PTPRN2: variants seen among roughly 807,000 people sequenced by gnomAD.
PTPRN2 encodes the protein protein tyrosine phosphatase receptor type N2.
PTPRN2 carries 74 observed loss-of-function variants against 118.8 expected under a neutral mutation model. The observed-to-expected ratio is 0.62, with a 90% CI of 0.52 to 0.76. PTPRN2 has a LOEUF of 0.76. PTPRN2 is among the 30% of genes least tolerant of loss of function. The probability of loss-of-function intolerance (pLI) is 0.00; values close to 1 mark genes in which losing one functional copy is unlikely to be tolerated. For missense variants in PTPRN2, 1,481 were observed against 1,394.4 expected (o/e 1.06, Z -0.99); for synonymous variants, 641 against 608.0 (o/e 1.05, Z -0.80).
intron 1 of PTPRN2, among the ~76,000 whole-genome samples, chr7:158,573,515 C>T (rs1200935066): frequency 1.3e-5 from 2 of 152,142 alleles, no homozygotes; most frequent in Non-Finnish European, 2.9e-5. Flanking sequence ...GTGCTCACCA[C>T]AGCTTCATGT....
intron 3 of PTPRN2, among the ~76,000 whole-genome samples, chr7:158,283,833 G>A (rs1180879229): frequency 6.6e-6 from 1 of 152,072 alleles, no homozygotes; most frequent in Admixed American, 6.5e-5. Flanking sequence ...GTGACAGCAT[G>A]TCTCAGAACA....
intron 2 of PTPRN2, among the ~76,000 whole-genome samples, chr7:158,447,227 G>A (rs373066388): frequency 2.6e-5 from 4 of 152,100 alleles, no homozygotes; most frequent in South Asian, 4.1e-4. Flanking sequence ...GACAACACTC[G>A]GTGCCTCCCT....
chr7:158,127,771 T>A (rs909990754), intron 9 of PTPRN2, among the ~76,000 whole-genome samples: 2 of 152,180 alleles, frequency 1.3e-5, no homozygotes, highest in South Asian at 4.1e-4. Context: ...TCCTCTTTGC[T>A]GAGAGGTAAG....
At chr7:157,948,485 T>C (rs1435554460) in intron 11 of PTPRN2, among the ~76,000 whole-genome samples, 2 of 151,908 alleles carry the variant, frequency 1.3e-5, no homozygotes, top group Non-Finnish European at 2.9e-5. Flanking sequence ...ATCAAAACAG[T>C]ACACTAAAAA....
chr7:158,171,635 G>A (rs1823711551), intron 5 of PTPRN2, among the ~76,000 whole-genome samples: 1 of 152,036 alleles, frequency 6.6e-6, no homozygotes, highest in African/African-American at 2.4e-5. Context: ...ACAAGCGTGA[G>A]CCACCATGCC....
intron 2 of PTPRN2, among the ~76,000 whole-genome samples, chr7:158,395,788 G>A (rs1175381031): frequency 1.5e-5 from 2 of 130,808 alleles, no homozygotes; most frequent in African/African-American, 5.7e-5. Flanking sequence ...CGCGAGGGGC[G>A]AGGGGTGAGG....
chr7:157,865,870 T>C (rs1053711341), intron 12 of PTPRN2: 2 of 152,000 alleles, frequency 1.3e-5, no homozygotes, highest in Admixed American at 6.6e-5. Flanking sequence ...GAGGGCAGGG[T>C]GGACGGTTAA....
intron 13 of PTPRN2, among the ~76,000 whole-genome samples, chr7:157,661,194 G>C (rs1795867379): frequency 6.6e-6 from 1 of 152,282 alleles, no homozygotes; most frequent in Admixed American, 6.5e-5. Flanking sequence ...GCTCTCACCA[G>C]TGGTCTCGCG....
At chr7:158,340,739 A>G (rs1806577116) in intron 2 of PTPRN2, among the ~76,000 whole-genome samples, 1 of 82,286 alleles carries the variant, frequency 1.2e-5, no homozygotes. Context: ...ATAAGAGGTG[A>G]CACATGCAGA....
At chr7:158,028,661 A>G (rs986736397) in intron 11 of PTPRN2, 3 of 152,344 alleles carry the variant, frequency 2.0e-5, no homozygotes, top group African/African-American at 7.2e-5. Flanking sequence ...TTTAACTGTC[A>G]GAAGGAAAAC....
chr7:158,230,622 GT>G (rs1201646863), intron 3 of PTPRN2, among the ~76,000 whole-genome samples: 2 of 151,312 alleles, frequency 1.3e-5, no homozygotes, highest in Admixed American at 6.6e-5. Flanking sequence ...TGTTTAAGTT[GT>G]TTTTTATAAG....
rs995150001 is a variant in PTPRN2 at position 158,509,701 on chromosome 7, G to A, written c.113-19916C>T. On this transcript the variant is annotated intron_variant, in intron 1 of 22. Coordinates refer to ENST00000389418, the MANE Select transcript of PTPRN2 (RefSeq NM_002847.5). The surrounding 1 kb of genome is among the most constrained non-coding windows in gnomAD (Gnocchi z 4.4). ...CAGAAGAGACCACACGTCTGTCAGC[G>A]CCCACAGGCAGGTGGCCCAGGGGAG... Among the ~76,000 whole-genome samples the A allele has an allele frequency of 1.6e-4, 25 of 152,158 alleles. No homozygotes were observed. The highest frequency in any genetic ancestry group is 5.2e-4 in the Admixed American group (8 of 15,282).
At chr7:158,318,077 A>G (rs1413705202) in intron 2 of PTPRN2, among the ~76,000 whole-genome samples, 2 of 151,990 alleles carry the variant, frequency 1.3e-5, no homozygotes, top group African/African-American at 4.8e-5. Flanking sequence ...CTCCTGTCCG[A>G]GAGCCGGCCC....
chr7:157,731,981 G>A (rs181382013), intron 12 of PTPRN2, among the ~76,000 whole-genome samples: 5 of 63,904 alleles, frequency 7.8e-5, no homozygotes, highest in African/African-American at 3.4e-4. Flanking sequence ...CGTCCCATGC[G>A]CCCAGCACAG....
At chr7:158,223,497 GC>G (rs1828516256) in intron 3 of PTPRN2, among the ~76,000 whole-genome samples, 1 of 152,028 alleles carries the variant, frequency 6.6e-6, no homozygotes, top group African/African-American at 2.4e-5. Context: ...GGAATGAAAG[GC>G]TGGTTCACTA....
chr7:158,235,214 A>C (rs1829455000), intron 3 of PTPRN2, among the ~76,000 whole-genome samples: 1 of 152,234 alleles, frequency 6.6e-6, no homozygotes, highest in African/African-American at 2.4e-5. Context: ...AACTAGAACT[A>C]ACATATGATC....
chr7:158,446,596 G>C (rs1449499905), intron 2 of PTPRN2, among the ~76,000 whole-genome samples: 1 of 152,268 alleles, frequency 6.6e-6, no homozygotes, highest in African/African-American at 2.4e-5. Flanking sequence ...GACCCTGCCT[G>C]GGCTGCCATG....
chr7:158,436,674 T>C (rs1406342410), intron 2 of PTPRN2, among the ~76,000 whole-genome samples: 1 of 152,242 alleles, frequency 6.6e-6, no homozygotes, highest in East Asian at 1.9e-4. Flanking sequence ...CTGAGAAACA[T>C]TTCCAGGGAG....
At chr7:157,606,880 C>A (rs1371614973) in intron 15 of PTPRN2, among the ~76,000 whole-genome samples, 2 of 152,206 alleles carry the variant, frequency 1.3e-5, no homozygotes, top group Admixed American at 6.5e-5. Flanking sequence ...TCAATACACT[C>A]CAGGTTGGAT....
Sources: allele counts gnomAD v4.1 joint callset (sites outside exome capture counted in the v4.1 genomes callset), GRCh38; gene constraint gnomAD v4.1.1; non-coding constraint Gnocchi (gnomAD v3.1); transcripts MANE v1.5; gene names NCBI Gene and HGNC (gene_info 2026-07-23, HGNC 2026-07-21).